The following AHCYL2 variants were observed in gnomAD, a reference collection of about 807,000 sequenced individuals.
The protein encoded by AHCYL2 is S-adenosylhomocysteine hydrolase-like protein 2.
Under a neutral mutation model 81.4 loss-of-function variants are expected in AHCYL2, and 28 were observed. The ratio of observed to expected loss-of-function variants is 0.34; its 90% CI spans 0.25 to 0.47. The LOEUF (loss-of-function observed/expected upper bound fraction) is 0.47, where lower values mean the gene tolerates loss of function less well. Among genes scored for constraint, AHCYL2 ranks in the 20% least tolerant of loss-of-function variants. The pLI is 1.00. For synonymous variants in AHCYL2, 272 were observed against 290.2 expected (o/e 0.94, Z 0.64); for missense variants, 551 against 785.1 (o/e 0.70, Z 3.56).
chr7:129,426,420 AGGGCTTCTGT>A lies in AHCYL2; in HGVS notation c.1709-20_1709-11del. The A allele has an allele frequency of 6.2e-7, 1 of 1,614,070 alleles. No homozygotes were observed. The highest frequency in any genetic ancestry group is 8.5e-7 in the Non-Finnish European group (1 of 1,179,942). On this transcript the variant is annotated splice_polypyrimidine_tract_variant and intron_variant, in intron 15 of 16. Coordinates refer to ENST00000325006, the MANE Select transcript of AHCYL2 (RefSeq NM_015328.4). This position sits in a 1 kb window ranked among gnomAD's most constrained non-coding sequence, Gnocchi z 4.3. ...GATAAAAGGCATGAATGCTTATACC[AGGGCTTCTGT>A]GGTCTGTTCCAGATGAGTATGTGGC...
chr7:129,227,608 CAAAAAAAAAAAA>C (rs57256611), intron 1 of AHCYL2, among the ~76,000 whole-genome samples: 2 of 80,764 alleles, frequency 2.5e-5, no homozygotes, highest in South Asian at 4.6e-4. Flanking sequence ...GACCTTGTCT[CAAAAAAAAAAAA>C]AAAAAAAAAA....
intron 1 of AHCYL2, among the ~76,000 whole-genome samples, chr7:129,319,941 A>G (rs1797958108): frequency 6.6e-6 from 1 of 152,132 alleles, no homozygotes; most frequent in Non-Finnish European, 1.5e-5. Flanking sequence ...GGAGTGTAAT[A>G]GCTGGGTCTT....
At chr7:129,382,360 G>T (rs1794996713) in intron 2 of AHCYL2, among the ~76,000 whole-genome samples, 1 of 152,178 alleles carries the variant, frequency 6.6e-6, no homozygotes, top group Admixed American at 6.5e-5. Context: ...AGCAATTTGG[G>T]AGGCCGAGAC....
chr7:129,324,864 T>C (rs1798163879), intron 1 of AHCYL2, among the ~76,000 whole-genome samples: 1 of 152,244 alleles, frequency 6.6e-6, no homozygotes, highest in Non-Finnish European at 1.5e-5. Context: ...GTTTTAGGGT[T>C]TGTGGTGTAA....
Position 129,429,297 on chromosome 7 carries a change from C to T in AHCYL2, c.*2252C>T, listed in dbSNP as rs930402612. ...ACCATTAAGAAGAAAGAACCACAAG[C>T]CTCCCAAGTATTTGGGTTCTATCTT... On this transcript the variant is annotated 3_prime_UTR_variant, in exon 17 of 17. Coordinates refer to ENST00000325006, the MANE Select transcript of AHCYL2 (RefSeq NM_015328.4). The T allele has an allele frequency of 6.6e-6, 1 of 152,170 alleles. No homozygotes were observed. Among genetic ancestry groups the T allele is most frequent in the Admixed American group, 6.5e-5 (1 of 15,272 alleles). The allele number at this position is 152,170 out of a possible 1,614,324, so 9.4% of individuals were successfully genotyped here.
chr7:129,377,914 T>C (rs1013010864), intron 1 of AHCYL2, among the ~76,000 whole-genome samples: 1 of 152,242 alleles, frequency 6.6e-6, no homozygotes, highest in African/African-American at 2.4e-5. Flanking sequence ...ATGAGGCTTA[T>C]ACATATTCAT....
intron 1 of AHCYL2, among the ~76,000 whole-genome samples, chr7:129,276,520 G>T (rs1796212028): frequency 6.6e-6 from 1 of 151,818 alleles, no homozygotes; most frequent in African/African-American, 2.4e-5. Flanking sequence ...GGAGGCTGAG[G>T]CAGGTGGATC....
intron 1 of AHCYL2, among the ~76,000 whole-genome samples, chr7:129,232,208 T>A (rs1051960885): frequency 6.6e-6 from 1 of 152,254 alleles, no homozygotes; most frequent in Non-Finnish European, 1.5e-5. Flanking sequence ...GTGTCACTTA[T>A]AATTGCTACC....
Position 129,361,277 on chromosome 7 carries a change from C to T in AHCYL2, c.364-18361C>T, listed in dbSNP as rs1376432693. On this transcript the variant is annotated intron_variant, in intron 1 of 16. Coordinates refer to ENST00000325006, the MANE Select transcript of AHCYL2 (RefSeq NM_015328.4). ...CTCTTCTCAATTCCCCTCCAACACA[C>T]ACCAGGTAACTCCCCGCTTATCCTT... is the stretch of plus-strand genomic sequence containing the variant. Among the ~76,000 whole-genome samples, 8 of 152,312 alleles carry T rather than the reference C, an allele frequency of 5.3e-5. No homozygotes were observed. In the South Asian group the frequency reaches 1.5e-3, roughly 28 times the overall value.
intron 1 of AHCYL2, among the ~76,000 whole-genome samples, chr7:129,361,967 G>GA (rs1793945097): frequency 6.6e-6 from 1 of 152,098 alleles, no homozygotes; most frequent in Non-Finnish European, 1.5e-5. Flanking sequence ...TTACAGATGA[G>GA]AAAACTGAGG....
chr7:129,322,815 C>T (rs1798087465), intron 1 of AHCYL2, among the ~76,000 whole-genome samples: 1 of 152,238 alleles, frequency 6.6e-6, no homozygotes, highest in African/African-American at 2.4e-5. Flanking sequence ...ATCTCAAACT[C>T]CTGAGCTTGA....
intron 1 of AHCYL2, among the ~76,000 whole-genome samples, chr7:129,266,095 T>TA (rs1394853124): frequency 6.6e-6 from 1 of 152,218 alleles, no homozygotes; most frequent in East Asian, 1.9e-4. Flanking sequence ...ATCAGTGTCT[T>TA]CCTGTTTTAG....
chr7:129,374,990 T>C (rs1289843907), intron 1 of AHCYL2, among the ~76,000 whole-genome samples: 1 of 152,120 alleles, frequency 6.6e-6, no homozygotes, highest in Non-Finnish European at 1.5e-5. Context: ...AATAATGTGA[T>C]TCTTTGCCCT....
At position 129,428,457 on chromosome 7, in the gene AHCYL2, A is replaced by G. The variant is rs147797270; in HGVS notation, c.*1412A>G. ...ATTTCATTAGGACCAGATTGGTTCT[A>G]AGAGTTAGTCTGGACTGGCCCTAGG... On this transcript the variant is annotated 3_prime_UTR_variant, in exon 17 of 17. Transcript: ENST00000325006. 1 of 152,330 alleles carries G rather than the reference A, an allele frequency of 6.6e-6. No homozygotes were observed. Among genetic ancestry groups the G allele is most frequent in the African/African-American group, 2.4e-5 (1 of 41,580 alleles). The allele number at this position is 152,330 out of a possible 1,614,324, so 9.4% of individuals were successfully genotyped here.
chr7:129,291,158 C>T (rs1187792578), intron 1 of AHCYL2, among the ~76,000 whole-genome samples: 1 of 151,970 alleles, frequency 6.6e-6, no homozygotes, highest in Non-Finnish European at 1.5e-5. Flanking sequence ...ATATAAATGG[C>T]AAAGAGCATA....
At chr7:129,375,173 A>T (rs922414283) in intron 1 of AHCYL2, among the ~76,000 whole-genome samples, 1 of 152,194 alleles carries the variant, frequency 6.6e-6, no homozygotes, top group Non-Finnish European at 1.5e-5. Flanking sequence ...TAGAAACCAA[A>T]TGTCAAAACC....
chr7:129,267,713 T>G (rs1184938675), intron 1 of AHCYL2, among the ~76,000 whole-genome samples: 1 of 152,016 alleles, frequency 6.6e-6, no homozygotes, highest in Non-Finnish European at 1.5e-5. Context: ...ATTATCTAAG[T>G]AAGAGAGGAT....
intron 1 of AHCYL2, among the ~76,000 whole-genome samples, chr7:129,347,260 A>T (rs1009090204): frequency 3.9e-5 from 6 of 152,212 alleles, no homozygotes; most frequent in African/African-American, 1.2e-4. Context: ...ACCAAGAGGG[A>T]ACCCAAATGT....
intron 1 of AHCYL2, among the ~76,000 whole-genome samples, chr7:129,277,378 A>G (rs577739433): frequency 6.6e-6 from 1 of 151,856 alleles, no homozygotes; most frequent in Non-Finnish European, 1.5e-5. Flanking sequence ...CCTGGGTTCA[A>G]GCAATTCTCC....
Sources: gnomAD v4.1 joint callset for allele counts (sites outside exome capture counted in the v4.1 genomes callset) on GRCh38, gnomAD v4.1.1 for gene constraint, Gnocchi (gnomAD v3.1) non-coding constraint, MANE v1.5 for transcripts, NCBI Gene and HGNC (gene_info 2026-07-23, HGNC 2026-07-21) for gene names.